SLC7A14: variants seen among roughly 807,000 people sequenced by gnomAD.
SLC7A14 encodes the protein solute carrier family 7 member 14, also known as gamma-aminobutyric acid transporter SLC7A14.
In SLC7A14, 37 loss-of-function variants were observed where a neutral mutation model predicts 60.2. The ratio of observed to expected loss-of-function variants is 0.61; its 90% confidence interval spans 0.47 to 0.81. The LOEUF (loss-of-function observed/expected upper bound fraction) is 0.81, where lower values mean the gene tolerates loss of function less well. SLC7A14 is among the 30% of genes least tolerant of loss of function. SLC7A14 has a pLI of 0.00. For synonymous variants in SLC7A14, 399 were observed against 395.8 expected (o/e 1.01, Z -0.10); for missense variants, 886 against 982.7 (o/e 0.90, Z 1.32).
chr3:170,485,316 C>A (rs991164863), intron 5 of SLC7A14, among the ~76,000 whole-genome samples: 1 of 152,166 alleles, frequency 6.6e-6, no homozygotes, highest in African/African-American at 2.4e-5. Context: ...ATCAATTGGT[C>A]TGGCTTCCTT....
rs1739671652 is a variant in SLC7A14, at chr3:170,464,371, T to A, written c.*2684A>T. ...TTCTAAGATAATTATAAGGTGATCT[T>A]ACTTTTAATGTGATCCCACACATAC... On this transcript the variant is annotated 3_prime_UTR_variant, in exon 8 of 8. Transcript: ENST00000231706. 1 of 152,242 alleles carries A rather than the reference T, an allele frequency of 6.6e-6. No homozygotes were observed. Among genetic ancestry groups the A allele is most frequent in the Non-Finnish European group, 1.5e-5 (1 of 68,038 alleles). 9.4% of individuals were successfully genotyped at this position (152,242 alleles called of 1,614,324 possible). A position where few individuals can be genotyped will look rare whatever the true frequency, so the allele number is the denominator to read the frequency against.
intron 7 of SLC7A14, among the ~76,000 whole-genome samples, chr3:170,479,100 C>T (rs576153037): frequency 1.6e-4 from 25 of 151,982 alleles, no homozygotes; most frequent in African/African-American, 4.3e-4. Flanking sequence ...CCAGCCTGGG[C>T]GACACAGCAA....
In SLC7A14 at chr3:170,466,331, T is replaced by A. The variant is rs1457956867; in HGVS notation, c.*724A>T. ...AGAGAGTTAATTTCTGCCAATGCCC[T>A]TCTGGCTTTTACCGCAAGATATGGT... On this transcript the variant is annotated 3_prime_UTR_variant, in exon 8 of 8. Coordinates refer to ENST00000231706, the MANE Select transcript of SLC7A14 (RefSeq NM_020949.3). 2 of 152,194 alleles carry A rather than the reference T, an allele frequency of 1.3e-5. No homozygotes were observed. Among genetic ancestry groups the A allele is most frequent in the Non-Finnish European group, 2.9e-5 (2 of 68,038 alleles). 9.4% of individuals were successfully genotyped at this position (152,194 alleles called of 1,614,324 possible).
chr3:170,553,120 A>G (rs541054868), intron 1 of SLC7A14, among the ~76,000 whole-genome samples: 184 of 152,220 alleles, frequency 1.2e-3, no homozygotes, highest in Non-Finnish European at 2.4e-3. Context: ...GGCATTTATC[A>G]TTCTGAAACA....
At chr3:170,510,093 A>AT (rs1341300810) in intron 2 of SLC7A14, among the ~76,000 whole-genome samples, 1 of 148,460 alleles carries the variant, frequency 6.7e-6, no homozygotes, top group Non-Finnish European at 1.5e-5. Context: ...AAAAAAAAAA[A>AT]AAATGTAACC....
At chr3:170,485,467 C>T (rs1025813352) in intron 5 of SLC7A14, among the ~76,000 whole-genome samples, 3 of 152,160 alleles carry the variant, frequency 2.0e-5, no homozygotes, top group Non-Finnish European at 4.4e-5. Context: ...TTTGTGGAAC[C>T]ACACACTTCC....
chr3:170,484,116 G>A (rs1711940484), intron 5 of SLC7A14, among the ~76,000 whole-genome samples: 1 of 152,136 alleles, frequency 6.6e-6, no homozygotes, highest in African/African-American at 2.4e-5. Flanking sequence ...GATCCAGGCA[G>A]GCCAACAGAC....
At chr3:170,484,675 G>A (rs1216112527) in intron 5 of SLC7A14, among the ~76,000 whole-genome samples, 1 of 152,176 alleles carries the variant, frequency 6.6e-6, no homozygotes, top group East Asian at 1.9e-4. Context: ...AGGAGGACAG[G>A]ATGTCCTAGC....
chr3:170,478,916 G>A (rs1408512650), intron 7 of SLC7A14, among the ~76,000 whole-genome samples: 1 of 152,052 alleles, frequency 6.6e-6, no homozygotes, highest in Admixed American at 6.6e-5. Context: ...GAGGTTGAGA[G>A]TTCGAGAACA....
At position 170,461,974 on chromosome 3, in the gene SLC7A14, C is replaced by A. The variant is rs1739614115; in HGVS notation, c.*5081G>T. On this transcript the variant is annotated 3_prime_UTR_variant, in exon 8 of 8. Coordinates refer to ENST00000231706, the MANE Select transcript of SLC7A14 (RefSeq NM_020949.3). The stretch of plus-strand genomic sequence containing the variant: ...TTCCCTCCATTGGAAGTTAGGGACA[C>A]CTCTGCACTACTCACTGACCTGAGG... 6.6e-6 allele frequency: 1 copy of A among 152,522 alleles called. No homozygotes were observed. Among genetic ancestry groups the A allele is most frequent in the African/African-American group, 2.4e-5 (1 of 41,446 alleles). 9.4% of individuals were successfully genotyped at this position (152,522 alleles called of 1,614,324 possible).
rs1712030737 is a variant in SLC7A14, at chr3:170,486,357, T to C, written c.771A>G (p.Gly257=). The change falls in exon 5 of 8, where the codon GGA becomes GGG. Residue 257 remains glycine (G), a synonymous_variant. Transcript: ENST00000231706. ...TGAAAGCGTAGAAGCATGTTGCTGC[T>C]CCTTGCAGCACCTGTGTGGATGATG... The part of the protein sequence containing the change: ...LPHGWSGVLQ[G]AATCFYAFIG... The C allele has an allele frequency of 1.2e-6, 2 of 1,614,204 alleles. No homozygotes were observed. Among genetic ancestry groups the C allele is most frequent in the Non-Finnish European group, 1.7e-6 (2 of 1,180,036 alleles).
chr3:170,490,638 T>C (rs1313628696), intron 4 of SLC7A14, among the ~76,000 whole-genome samples: 2 of 152,214 alleles, frequency 1.3e-5, no homozygotes, highest in East Asian at 3.9e-4. Context: ...TGATGTCCAC[T>C]GTAGGCTTCA....
At position 170,496,558 on chromosome 3, in the gene SLC7A14, A is replaced by T. The variant is rs1179092849; in HGVS notation, c.759+2109T>A. 3.8e-6 allele frequency: 6 copies of T among 1,598,452 alleles called. No homozygotes were observed. In the African/African-American group the frequency reaches 8.1e-5, roughly 21 times the overall value. On this transcript the variant is annotated intron_variant, in intron 4 of 7. Coordinates refer to ENST00000231706, the MANE Select transcript of SLC7A14 (RefSeq NM_020949.3). ...GCGCAGCAGCTGCGTGAGTACCAGGAGCTGATGAACGTCAAACTGGCCCTG... is the reference window on the plus strand; with the variant it reads ...GCGCAGCAGCTGCGTGAGTACCAGGTGCTGATGAACGTCAAACTGGCCCTG...
At chr3:170,476,984 G>T (rs1167999356) in intron 7 of SLC7A14, 4 of 152,156 alleles carry the variant, frequency 2.6e-5, no homozygotes, top group African/African-American at 9.7e-5. Context: ...TGAAAACATG[G>T]GTCCTCTCGT....
chr3:170,510,409 T>TA lies in SLC7A14; in HGVS notation c.305-9065dup, dbSNP rs1560264178. Among the ~76,000 whole-genome samples, 25 of 135,876 alleles carry TA rather than the reference T, an allele frequency of 1.8e-4. 2 individuals carry two copies. In the South Asian group the frequency reaches 1.9e-3, roughly 11 times the overall value. The allele number at this position is 135,876 out of a possible 152,430, so 89.1% of individuals were successfully genotyped here. A position where few individuals can be genotyped will look rare whatever the true frequency, so the allele number is the denominator to read the frequency against. ...TGTCAAAAAAAAAAAAATAAATAAA[T>TA]AAATAAATAAATAAAGAATGTAACC... is the stretch of plus-strand genomic sequence containing the variant. On this transcript the variant is annotated intron_variant, in intron 2 of 7. Transcript: ENST00000231706.
chr3:170,514,875 G>T (rs1713100836), intron 2 of SLC7A14, among the ~76,000 whole-genome samples: 1 of 152,184 alleles, frequency 6.6e-6, no homozygotes, highest in Non-Finnish European at 1.5e-5. Flanking sequence ...GGCATATTAA[G>T]CACTTTACAT....
intron 1 of SLC7A14, among the ~76,000 whole-genome samples, chr3:170,534,454 T>C (rs946869069): frequency 2.6e-5 from 4 of 152,226 alleles, no homozygotes; most frequent in African/African-American, 9.6e-5. Flanking sequence ...GTGAGTCACA[T>C]GGCACAGGGC....
chr3:170,490,263 T>G (rs1395589139), intron 4 of SLC7A14, among the ~76,000 whole-genome samples: 1 of 152,178 alleles, frequency 6.6e-6, no homozygotes, highest in Non-Finnish European at 1.5e-5. Context: ...CAGGTCCTGC[T>G]TTCTCTTCCT....
At chr3:170,484,802 C>T (rs1711965822) in intron 5 of SLC7A14, among the ~76,000 whole-genome samples, 2 of 152,128 alleles carry the variant, frequency 1.3e-5, no homozygotes, top group South Asian at 4.1e-4. Flanking sequence ...GAGAATGTTT[C>T]CTAGTAACAT....
Sources: gnomAD v4.1 joint callset for allele counts (sites outside exome capture counted in the v4.1 genomes callset) on GRCh38, gnomAD v4.1.1 for gene constraint, MANE v1.5 for transcripts, NCBI Gene and HGNC (gene_info 2026-07-23, HGNC 2026-07-21) for gene names.